The following CSF1R variants were observed in gnomAD, a reference collection of about 807,000 sequenced individuals.
CSF1R encodes the protein colony stimulating factor 1 receptor, also known as macrophage colony-stimulating factor 1 receptor.
CSF1R carries 40 observed loss-of-function variants against 110.0 expected under a neutral mutation model. That is an observed-to-expected ratio of 0.36 (90% confidence interval 0.28 to 0.47). The LOEUF (loss-of-function observed/expected upper bound fraction) is 0.47. Ranked by LOEUF, CSF1R falls within the 20% of genes least tolerant of loss-of-function variation. The probability of loss-of-function intolerance (pLI) is 0.99; values close to 1 mark genes in which losing one functional copy is unlikely to be tolerated. For synonymous variants in CSF1R, 523 were observed against 503.4 expected (o/e 1.04, Z -0.52); for missense variants, 1,052 against 1,253.0 (o/e 0.84, Z 2.42).
chr5:150,076,375 TA>T (rs1392493641), intron 5 of CSF1R, among the ~76,000 whole-genome samples: 3 of 136,014 alleles, frequency 2.2e-5, no homozygotes, highest in Admixed American at 1.5e-4. Flanking sequence ...TCTATCTATC[TA>T]ATCTATCTAT....
At chr5:150,073,927 G>A (rs776639041) in intron 5 of CSF1R, among the ~76,000 whole-genome samples, 7 of 152,172 alleles carry the variant, frequency 4.6e-5, no homozygotes, top group Admixed American at 2.0e-4. Context: ...GAGTAGGTGT[G>A]TAACCCAGGC....
upstream of CSF1R, among the ~76,000 whole-genome samples, chr5:150,089,411 C>G (rs1252021415): frequency 1.3e-5 from 2 of 152,112 alleles, no homozygotes; most frequent in African/African-American, 4.8e-5. Flanking sequence ...CTCTATAGTA[C>G]TGATAATACT....
chr5:150,060,330 A>G (rs1367871412), intron 13 of CSF1R, among the ~76,000 whole-genome samples: 1 of 138,838 alleles, frequency 7.2e-6, no homozygotes. Flanking sequence ...CCGTCTCAAG[A>G]AAAAAAAAAC....
chr5:150,105,426 G>C (rs893620997), intron 1 of CSF1R, among the ~76,000 whole-genome samples: 5 of 147,364 alleles, frequency 3.4e-5, no homozygotes, highest in African/African-American at 1.2e-4. Flanking sequence ...ATGTTGGCGA[G>C]GCTGATCTCG....
intron 1 of CSF1R, among the ~76,000 whole-genome samples, chr5:150,098,779 T>A (rs1759302679): frequency 6.6e-6 from 1 of 151,418 alleles, no homozygotes; most frequent in Non-Finnish European, 1.5e-5. Context: ...GTTAGGAAAA[T>A]ACAAACTAAA....
chr5:150,085,148 G>T (rs150843294), intron 1 of CSF1R, among the ~76,000 whole-genome samples: 1 of 151,872 alleles, frequency 6.6e-6, no homozygotes, highest in African/African-American at 2.4e-5. Flanking sequence ...TCATGATGGT[G>T]TATGCCTGTA....
Position 150,086,359 on chromosome 5 carries a change from A to G in CSF1R, c.49+20T>C. 1 of 1,591,212 alleles carries G rather than the reference A, an allele frequency of 6.3e-7. No homozygotes were observed. Among genetic ancestry groups the G allele is most frequent in the Non-Finnish European group, 8.6e-7 (1 of 1,168,244 alleles). ...CCATCACACCCCAACAAAGTCCCCC[A>G]CCCCCCGTTCTGCTCTTACCATGCC... On this transcript the variant is annotated intron_variant, in intron 1 of 20. Transcript: ENST00000675795.
In CSF1R at chr5:150,070,193, G is replaced by T. The variant is rs760380025; in HGVS notation, c.1308C>A (p.Gly436=). 1.3e-5 allele frequency: 21 copies of T among 1,613,850 alleles called. No homozygotes were observed. The highest frequency in any genetic ancestry group is 3.3e-4 in the Middle Eastern group (2 of 6,084). Reference sequence around the variant, plus strand: ...TGGAGCCCACTTACCTATCAGTGTGGCCACTGCACTGCAGCCATGTCACGT... The same window carrying T: ...TGGAGCCCACTTACCTATCAGTGTGTCCACTGCACTGCAGCCATGTCACGT... The part of the protein sequence containing the change: ...QPNVTWLQCS[G]HTDRCDEAQV... Residue 436 remains glycine (G), a synonymous_variant, in exon 8 of 21, where the codon GGC becomes GGA. Transcript: ENST00000675795.
intron 18 of CSF1R, 130 bp from the exon 19 acceptor site, chr5:150,055,466 C>T (rs573571730): frequency 2.8e-5 from 21 of 746,350 alleles, no homozygotes; most frequent in African/African-American, 5.1e-5. Flanking sequence ...TACTCTTACC[C>T]GGTGCTTCCT....
rs927324360 is a variant in CSF1R at position 150,053,572 on chromosome 5, A to G, written c.*497T>C. 1.6e-5 allele frequency: 4 copies of G among 249,580 alleles called. No homozygotes were observed. Among genetic ancestry groups the G allele is most frequent in the African/African-American group, 8.8e-5 (4 of 45,350 alleles). The allele number at this position is 249,580 out of a possible 1,614,324, so 15.5% of individuals were successfully genotyped here. On this transcript the variant is annotated 3_prime_UTR_variant, in exon 21 of 21. Transcript: ENST00000675795. ...GGCAGAGACTAAGAGGTCCTGTGAG[A>G]TTCTTAGAGGAGCCATCCTGCTCCA...
chr5:150,081,112 C>T, intron 1 of CSF1R, 88 bp from the exon 2 acceptor site: 1 of 1,481,988 alleles, frequency 6.7e-7, no homozygotes, highest in South Asian at 1.3e-5. Context: ...GGTAGCTTGG[C>T]AGGGATGGTG....
chr5:150,080,342 G>A lies in CSF1R; in HGVS notation c.308-6C>T. The A allele has an allele frequency of 6.2e-6, 10 of 1,610,976 alleles. No individual in the cohort carries two copies. Among genetic ancestry groups the A allele is most frequent in the Non-Finnish European group, 7.6e-6 (9 of 1,178,262 alleles). On this transcript the variant is annotated splice_polypyrimidine_tract_variant and splice_region_variant and intron_variant, in intron 2 of 20. Coordinates refer to ENST00000675795, the MANE Select transcript of CSF1R (RefSeq NM_001288705.3). Reference sequence around the variant, plus strand: ...GTTCCAGGGCCGGGCAGGGTCTAGAGTAGAGGAGGGCACAGGGTTACAACT... The same window carrying A: ...GTTCCAGGGCCGGGCAGGGTCTAGAATAGAGGAGGGCACAGGGTTACAACT...
intron 1 of CSF1R, among the ~76,000 whole-genome samples, chr5:150,098,679 A>G (rs1759299514): frequency 6.6e-6 from 1 of 152,150 alleles, no homozygotes; most frequent in Non-Finnish European, 1.5e-5. Context: ...AAAATAAATG[A>G]TTCAGTAAAA....
rs759716223 is a variant in CSF1R at position 150,078,175 on chromosome 5, G to A, written c.666C>T (p.Ile222=). 48 of 1,614,000 alleles carry A rather than the reference G, an allele frequency of 3.0e-5. No homozygotes were observed. Among genetic ancestry groups the A allele is most frequent in the South Asian group, 4.4e-5 (4 of 91,076 alleles). ...LVRIRGEAAQ[I]VCSASSVDVN... The stretch of plus-strand genomic sequence containing the variant: ...CATCAACGCTGCTGGCTGAGCACAC[G>A]ATCTGGGCAGCCTCCCCTCGAATCC... Residue 222 remains isoleucine (I), a synonymous_variant, in exon 4 of 21, where the codon ATC becomes ATT. Transcript: ENST00000675795.
intron 1 of CSF1R, among the ~76,000 whole-genome samples, chr5:150,107,716 A>G (rs1329637713): frequency 6.6e-6 from 1 of 152,268 alleles, no homozygotes; most frequent in Non-Finnish European, 1.5e-5. Context: ...CTTTGGAGCC[A>G]GATAGACCAG....
chr5:150,077,147 G>T, intron 5 of CSF1R, 129 bp downstream of exon 5: 2 of 1,259,022 alleles, frequency 1.6e-6, no homozygotes, highest in Non-Finnish European at 1.1e-6. Flanking sequence ...CCAGGCCTTG[G>T]ATAAACAAAC....
Position 150,061,610 on chromosome 5 carries a change from G to T in CSF1R, c.1754-15C>A. 2 of 1,614,058 alleles carry T rather than the reference G, an allele frequency of 1.2e-6. No individual in the cohort carries two copies. Among genetic ancestry groups the T allele is most frequent in the Non-Finnish European group, 1.7e-6 (2 of 1,179,968 alleles). ...GAGGGTCTTACCTGCCACGCACACAGGTCCCTTAAGTCCCTGGGCACCAAA... is the reference window on the plus strand; with the variant it reads ...GAGGGTCTTACCTGCCACGCACACATGTCCCTTAAGTCCCTGGGCACCAAA... On this transcript the variant is annotated splice_polypyrimidine_tract_variant and intron_variant, in intron 11 of 20. Transcript: ENST00000675795.
At chr5:150,101,978 A>T (rs959927904) in intron 1 of CSF1R, among the ~76,000 whole-genome samples, 1 of 152,158 alleles carries the variant, frequency 6.6e-6, no homozygotes, top group Non-Finnish European at 1.5e-5. Flanking sequence ...TATTTTTAAA[A>T]TTGCTTCACT....
intron 1 of CSF1R, among the ~76,000 whole-genome samples, chr5:150,081,871 G>T (rs1174397776): frequency 6.6e-6 from 1 of 152,204 alleles, no homozygotes; most frequent in African/African-American, 2.4e-5. Flanking sequence ...CGGGAAGAAG[G>T]CCCGTTGCCT....
Sources: allele counts gnomAD v4.1 joint callset (sites outside exome capture counted in the v4.1 genomes callset), GRCh38; gene constraint gnomAD v4.1.1; transcripts MANE v1.5; gene names NCBI Gene and HGNC (gene_info 2026-07-23, HGNC 2026-07-21).